The following CAST variants were observed in gnomAD, a reference collection of about 807,000 sequenced individuals.
The protein encoded by CAST is calpastatin.
A neutral mutation model predicts 119.6 loss-of-function variants in CAST; 76 were observed. That is an observed-to-expected ratio of 0.64 (90% confidence interval 0.53 to 0.77). The LOEUF is 0.77. Among genes scored for constraint, CAST ranks in the 30% least tolerant of loss-of-function variants. CAST has a pLI of 0.00. For synonymous variants in CAST, 319 were observed against 331.6 expected, an observed-to-expected ratio of 0.96 and a Z score of 0.41; for missense variants, 953 against 946.5, an observed-to-expected ratio of 1.01 and a Z score of -0.09.
chr5:96,263,036 G>T, the CAST span, among the ~76,000 whole-genome samples: 2 of 152,112 alleles, frequency 1.3e-5, no homozygotes, highest in East Asian at 3.9e-4. Flanking sequence ...AATCCTCTAG[G>T]CAGTAGTTCT....
chr5:96,765,552 G>A (rs1380957170), intron 26 of CAST, among the ~76,000 whole-genome samples: 1 of 152,088 alleles, frequency 6.6e-6, no homozygotes, highest in East Asian at 1.9e-4. Context: ...CTGGGAGGTA[G>A]GTGTGGGGTA....
the CAST span, among the ~76,000 whole-genome samples, chr5:96,253,679 CTATTAT>C: frequency 6.6e-6 from 1 of 151,446 alleles, no homozygotes; most frequent in Non-Finnish European, 1.5e-5. Flanking sequence ...TGGCATCATT[CTATTAT>C]TATTATTTAA....
the CAST span, among the ~76,000 whole-genome samples, chr5:96,249,013 G>A: frequency 6.6e-6 from 1 of 152,330 alleles, no homozygotes; most frequent in Admixed American, 6.5e-5. Flanking sequence ...TGTGGAGAAA[G>A]ATTGGCCTTA....
rs1773537580 is a variant in CAST at position 96,774,322 on chromosome 5, C to A, written c.*1706C>A. ...TAAAGATGCCTATAAAAGTAAACAA[C>A]ATTTATTTAAAAAGAACTCTGAATA... On this transcript the variant is annotated 3_prime_UTR_variant, in exon 32 of 32. Transcript: ENST00000675179. The A allele has an allele frequency of 5.0e-6, 1 of 198,058 alleles. No homozygotes were observed. Among genetic ancestry groups the A allele is most frequent in the Non-Finnish European group, 9.2e-6 (1 of 108,424 alleles). 12.3% of individuals were successfully genotyped at this position (198,058 alleles called of 1,614,324 possible). A position where few individuals can be genotyped will look rare whatever the true frequency, so the allele number is the denominator to read the frequency against.
the CAST span, among the ~76,000 whole-genome samples, chr5:96,160,187 A>G: frequency 1.3e-5 from 2 of 152,012 alleles, no homozygotes; most frequent in African/African-American, 2.4e-5. Context: ...TCACAGAGTC[A>G]TACAGCCATC....
the CAST span, among the ~76,000 whole-genome samples, chr5:96,413,847 C>T: frequency 9.8e-5 from 14 of 143,040 alleles, no homozygotes; most frequent in Non-Finnish European, 1.5e-4. Context: ...CGGCCAGGTG[C>T]GGTGGCTCAC....
At chr5:96,495,122 C>CA in the CAST span, among the ~76,000 whole-genome samples, 1,144 of 50,736 alleles carry the variant, frequency 0.023, 19 homozygotes, top group Middle Eastern at 0.056. Context: ...GAGACTGTCT[C>CA]AAAAAAAAAA....
At chr5:96,393,483 C>A in the CAST span, 1 of 1,323,034 alleles carries the variant, frequency 7.6e-7, no homozygotes, top group Non-Finnish European at 1.1e-6. Context: ...GCTTGAGAGG[C>A]AATGAGGGGA....
intron 1 of CAST, among the ~76,000 whole-genome samples, chr5:96,586,942 G>A (rs72772011): frequency 0.06 from 9,082 of 152,150 alleles, 473 homozygotes; most frequent in African/African-American, 0.14. Flanking sequence ...TTACAGATGA[G>A]GAAATAGAAG....
rs1388259047 is a variant in CAST, at chr5:96,561,788, TTTTTTTTG to T, written c.60+31916_60+31923del. On this transcript the variant is annotated intron_variant, in intron 1 of 11. Coordinates refer to the CAST transcript ENST00000505143. ...GTATATATGTGTATTATATATATGT[TTTTTTTTG>T]TTTTTTTTTTTTTTGAGACGGAGTC... is the stretch of plus-strand genomic sequence containing the variant. Among the ~76,000 whole-genome samples, 627 of 68,776 alleles carry T rather than the reference TTTTTTTTG, an allele frequency of 9.1e-3. 87 individuals carry two copies. Among genetic ancestry groups the T allele is most frequent in the Non-Finnish European group, 9.0e-3 (327 of 36,262 alleles). The allele number at this position is 68,776 out of a possible 152,430, so 45.1% of individuals were successfully genotyped here. A position where few individuals can be genotyped will look rare whatever the true frequency, so the allele number is the denominator to read the frequency against.
the CAST span, among the ~76,000 whole-genome samples, chr5:96,499,093 T>TA: frequency 1.4e-5 from 2 of 147,478 alleles, no homozygotes; most frequent in Non-Finnish European, 3.0e-5. Context: ...TAAACAAAAC[T>TA]AAAATGAAAA....
At chr5:96,498,755 T>G in the CAST span, among the ~76,000 whole-genome samples, 25,965 of 152,184 alleles carry the variant, frequency 0.17, 2,815 homozygotes, top group African/African-American at 0.3. Context: ...TTACTGTTGC[T>G]AGTATGTCCG....
At chr5:96,029,955 C>T in the CAST span, among the ~76,000 whole-genome samples, 8 of 151,916 alleles carry the variant, frequency 5.3e-5, no homozygotes, top group Non-Finnish European at 5.9e-5. Flanking sequence ...TAATTTTGAA[C>T]CAAGAAAGGT....
chr5:96,068,321 C>A, the CAST span, among the ~76,000 whole-genome samples: 1 of 152,180 alleles, frequency 6.6e-6, no homozygotes, highest in East Asian at 1.9e-4. Flanking sequence ...CAGTGTCTGT[C>A]TTGGGTCTTG....
chr5:96,333,623 G>A, the CAST span, among the ~76,000 whole-genome samples: 1 of 152,156 alleles, frequency 6.6e-6, no homozygotes, highest in East Asian at 1.9e-4. Flanking sequence ...GCTGTTGGAG[G>A]TCAGCTGTGG....
chr5:96,234,247 T>C, the CAST span, among the ~76,000 whole-genome samples: 2 of 152,214 alleles, frequency 1.3e-5, no homozygotes, highest in Non-Finnish European at 2.9e-5. Flanking sequence ...TCTTAAAATG[T>C]ATTGCTTGTT....
At chr5:96,161,599 G>A in the CAST span, among the ~76,000 whole-genome samples, 1 of 151,944 alleles carries the variant, frequency 6.6e-6, no homozygotes, top group Admixed American at 6.6e-5. Context: ...AGATTGTTTT[G>A]GCTGTTCTTG....
intron 29 of CAST, 39 bp downstream of exon 29, chr5:96,768,038 G>A (rs1396947686): frequency 1.6e-6 from 2 of 1,220,154 alleles, no homozygotes; most frequent in African/African-American, 3.0e-5. Flanking sequence ...TGAAATGTGT[G>A]TGTGTGTATG....
At chr5:96,155,984 C>G in the CAST span, among the ~76,000 whole-genome samples, 391 of 152,334 alleles carry the variant, frequency 2.6e-3, 1 homozygote, top group Non-Finnish European at 3.8e-3. Flanking sequence ...TAGCAGAGGA[C>G]AGCAGCTATT....
Sources: allele counts gnomAD v4.1 joint callset (sites outside exome capture counted in the v4.1 genomes callset), GRCh38; gene constraint gnomAD v4.1.1; transcripts MANE v1.5; gene names NCBI Gene and HGNC (gene_info 2026-07-23, HGNC 2026-07-21).